The following JAKMIP1 variants were observed in gnomAD, a reference collection of about 807,000 sequenced individuals.
JAKMIP1 encodes the protein janus kinase and microtubule-interacting protein 1.
Under a neutral mutation model 113.0 loss-of-function variants are expected in JAKMIP1, and 33 were observed. The observed-to-expected ratio is 0.29, with a 90% CI of 0.22 to 0.39. The LOEUF is 0.39. JAKMIP1 is among the 10% of genes least tolerant of loss of function. The probability of loss-of-function intolerance (pLI) is 1.00; values close to 1 mark genes in which losing one functional copy is unlikely to be tolerated. For missense variants in JAKMIP1, 813 were observed against 1,080.5 expected (o/e 0.75, Z 3.47); for synonymous variants, 480 against 459.9 (o/e 1.04, Z -0.56).
intron 1 of JAKMIP1, among the ~76,000 whole-genome samples, chr4:6,191,913 T>TTTTATTTATTTATCTA (rs1727300117): frequency 7.1e-6 from 1 of 141,054 alleles, no homozygotes; most frequent in Non-Finnish European, 1.5e-5. Flanking sequence ...CAGGAGTGCA[T>TTTTATTTATTTATCTA]TTTATTTATT....
intron 3 of JAKMIP1, 76 bp downstream of exon 3, chr4:6,105,397 G>A (rs1713732006): frequency 4.3e-6 from 6 of 1,410,220 alleles, no homozygotes; most frequent in East Asian, 2.3e-5. Context: ...GCAGGTCCTC[G>A]GAGCTCCGCA....
In JAKMIP1 at chr4:6,158,436, T is replaced by G. The variant is rs532585386; in HGVS notation, c.-148+41817A>C. On this transcript the variant is annotated intron_variant, in intron 1 of 20. Transcript: ENST00000409021. The surrounding 1 kb of genome is among the most constrained non-coding windows in gnomAD (Gnocchi z 5.3). Reference sequence around the variant, plus strand: ...AGGCAGGACCCCTGCGATGTTCACCTGGCCACCCACAGCACAGGCCTGGCT... The same window carrying G: ...AGGCAGGACCCCTGCGATGTTCACCGGGCCACCCACAGCACAGGCCTGGCT... 2.3e-4 allele frequency among the ~76,000 whole-genome samples: 35 copies of G among 152,318 alleles called. No individual in the cohort carries two copies. The South Asian group carries it at 5.6e-3, about 24-fold the overall frequency.
chr4:6,107,575 C>T (rs1352810300), intron 2 of JAKMIP1, among the ~76,000 whole-genome samples: 3 of 152,138 alleles, frequency 2.0e-5, no homozygotes, highest in Non-Finnish European at 4.4e-5. Flanking sequence ...AAGAGAAGAC[C>T]GAGGTCCCCT....
intron 8 of JAKMIP1, among the ~76,000 whole-genome samples, chr4:6,068,765 T>C (rs1280366858): frequency 6.6e-6 from 1 of 152,124 alleles, no homozygotes; most frequent in East Asian, 1.9e-4. Flanking sequence ...TGACAAGGTT[T>C]CACCATGTTA....
chr4:6,199,138 A>T lies in JAKMIP1; in HGVS notation c.-148+1115T>A, dbSNP rs1279828047. Among the ~76,000 whole-genome samples the T allele has an allele frequency of 1.3e-5, 2 of 152,258 alleles. No homozygotes were observed. Among genetic ancestry groups the T allele is most frequent in the African/African-American group, 4.8e-5 (2 of 41,476 alleles). On this transcript the variant is annotated intron_variant, in intron 1 of 20. Coordinates refer to ENST00000409021, the MANE Select transcript of JAKMIP1 (RefSeq NM_001099433.2). The surrounding 1 kb of genome is among the most constrained non-coding windows in gnomAD (Gnocchi z 5.6). ...AGGGCGTTCGCGGAGAGAGCACAGC[A>T]CTGGCAAAGGCCAAGGACAGTGTGC...
At chr4:6,070,644 C>T (rs948080718) in intron 8 of JAKMIP1, among the ~76,000 whole-genome samples, 6 of 152,372 alleles carry the variant, frequency 3.9e-5, no homozygotes, top group South Asian at 2.1e-4. Flanking sequence ...GCAATGGCAA[C>T]GCCACGATAG....
At chr4:6,133,904 A>G (rs1462509054) in intron 1 of JAKMIP1, among the ~76,000 whole-genome samples, 1 of 152,184 alleles carries the variant, frequency 6.6e-6, no homozygotes, top group African/African-American at 2.4e-5. Flanking sequence ...ATGCATTGAG[A>G]TGGTTGGATG....
chr4:6,068,558 C>CTTTTT (rs35726105), intron 8 of JAKMIP1, among the ~76,000 whole-genome samples: 2 of 136,304 alleles, frequency 1.5e-5, no homozygotes, highest in African/African-American at 2.8e-5. Context: ...AATTTTTTAA[C>CTTTTT]TTTTTTTTTT....
In JAKMIP1 at chr4:6,193,213, AG is replaced by A. The variant is rs1727471678; in HGVS notation, c.-148+7039del. Among the ~76,000 whole-genome samples the A allele has an allele frequency of 6.6e-6, 1 of 152,162 alleles. No individual in the cohort carries two copies. Among genetic ancestry groups the A allele is most frequent in the African/African-American group, 2.4e-5 (1 of 41,432 alleles). On this transcript the variant is annotated intron_variant, in intron 1 of 20. Transcript: ENST00000409021. This position sits in a 1 kb window ranked among gnomAD's most constrained non-coding sequence, Gnocchi z 6.4. ...CTTGGACCTACACCAGTGGTTTGCCAGGGGCTCTAAGGCCTTTGGCCACAGG... is the reference window on the plus strand; with the variant it reads ...CTTGGACCTACACCAGTGGTTTGCCAGGGCTCTAAGGCCTTTGGCCACAGG...
At chr4:6,123,530 G>A (rs957242769) in intron 1 of JAKMIP1, among the ~76,000 whole-genome samples, 7 of 152,214 alleles carry the variant, frequency 4.6e-5, no homozygotes, top group African/African-American at 1.7e-4. Flanking sequence ...TTAAAAAGAA[G>A]AAGCCTCAGG....
At chr4:6,196,825 C>T (rs964539535) in intron 1 of JAKMIP1, among the ~76,000 whole-genome samples, 4 of 150,224 alleles carry the variant, frequency 2.7e-5, no homozygotes, top group East Asian at 2.0e-4. Flanking sequence ...TGTGCCATTG[C>T]ACTCCAGCCT....
At chr4:6,125,386 G>A (rs145863279) in intron 1 of JAKMIP1, among the ~76,000 whole-genome samples, 1 of 152,226 alleles carries the variant, frequency 6.6e-6, no homozygotes, top group Non-Finnish European at 1.5e-5. Flanking sequence ...TGGGACACAG[G>A]CCACCCAATG....
At chr4:6,054,210 A>G in intron 12 of JAKMIP1, 62 bp from the exon 13 acceptor site, 2 of 1,528,662 alleles carry the variant, frequency 1.3e-6, no homozygotes, top group South Asian at 2.3e-5. Flanking sequence ...CCCTGGTCAC[A>G]GGCCACCTGA....
intron 1 of JAKMIP1, among the ~76,000 whole-genome samples, chr4:6,126,358 G>A (rs1474724052): frequency 7.8e-6 from 1 of 128,724 alleles, no homozygotes; most frequent in African/African-American, 3.1e-5. Context: ...ACACCATGCA[G>A]AAACACACAC....
chr4:6,035,812 T>C (rs1484526025), intron 19 of JAKMIP1, 92 bp downstream of exon 19: 6 of 1,097,940 alleles, frequency 5.5e-6, no homozygotes, highest in Non-Finnish European at 6.4e-6. Context: ...GGAATGAGCC[T>C]GGGGCACTCA....
chr4:6,079,835 T>C (rs1363220320), intron 7 of JAKMIP1, among the ~76,000 whole-genome samples: 1 of 152,144 alleles, frequency 6.6e-6, no homozygotes, highest in Non-Finnish European at 1.5e-5. Context: ...CAAAAAGCCT[T>C]CTCTGGAACA....
chr4:6,048,336 A>G (rs935632797), intron 16 of JAKMIP1, among the ~76,000 whole-genome samples: 3 of 152,208 alleles, frequency 2.0e-5, no homozygotes, highest in African/African-American at 7.2e-5. Context: ...AATATATCTT[A>G]TGGGCATATT....
At chr4:6,045,028 C>G (rs987689584) in intron 16 of JAKMIP1, among the ~76,000 whole-genome samples, 3 of 152,230 alleles carry the variant, frequency 2.0e-5, no homozygotes, top group Non-Finnish European at 4.4e-5. Context: ...GGGGGCTGCT[C>G]TCCGCGCCCC....
Position 6,080,441 on chromosome 4 carries a change from T to C in JAKMIP1, c.1102-129A>G. 1 of 1,137,136 alleles carries C rather than the reference T, an allele frequency of 8.8e-7. No individual in the cohort carries two copies. Among genetic ancestry groups the C allele is most frequent in the Non-Finnish European group, 1.2e-6 (1 of 811,022 alleles). The allele number at this position is 1,137,136 out of a possible 1,614,324, so 70.4% of individuals were successfully genotyped here. A position where few individuals can be genotyped will look rare whatever the true frequency, so the allele number is the denominator to read the frequency against. On this transcript the variant is annotated intron_variant, in intron 6 of 20. Coordinates refer to ENST00000409021, the MANE Select transcript of JAKMIP1 (RefSeq NM_001099433.2). This position sits in a 1 kb window ranked among gnomAD's most constrained non-coding sequence, Gnocchi z 6.0. ...TGGGAGGATGAAAGAGATGATGGCC[T>C]GATATGGTTTGGCTGTGTCCCCACC...
Sources: gnomAD v4.1 joint callset for allele counts (sites outside exome capture counted in the v4.1 genomes callset) on GRCh38, gnomAD v4.1.1 for gene constraint, Gnocchi (gnomAD v3.1) non-coding constraint, MANE v1.5 for transcripts, NCBI Gene and HGNC (gene_info 2026-07-23, HGNC 2026-07-21) for gene names.